The following CLASP1 variants were observed in gnomAD, a reference collection of about 807,000 sequenced individuals.
The protein encoded by CLASP1 is cytoplasmic linker associated protein 1.
A neutral mutation model predicts 192.3 loss-of-function variants in CLASP1; 38 were observed. The ratio of observed to expected loss-of-function variants is 0.20; its 90% CI spans 0.15 to 0.26. The LOEUF (loss-of-function observed/expected upper bound fraction) is 0.26. Among genes scored for constraint, CLASP1 ranks in the 10% least tolerant of loss-of-function variants. The probability of loss-of-function intolerance (pLI) is 1.00; values close to 1 mark genes in which losing one functional copy is unlikely to be tolerated. For synonymous variants in CLASP1, 691 were observed against 712.8 expected, an observed-to-expected ratio of 0.97 and a Z score of 0.49; for missense variants, 1,433 against 1,932.5, an observed-to-expected ratio of 0.74 and a Z score of 4.85.
intron 1 of CLASP1, among the ~76,000 whole-genome samples, chr2:121,621,279 C>A (rs1346085844): frequency 1.3e-5 from 2 of 151,856 alleles, no homozygotes; most frequent in Admixed American, 6.6e-5. Context: ...AGATTTACAA[C>A]CATGTTTTCT....
intron 39 of CLASP1, among the ~76,000 whole-genome samples, chr2:121,343,921 A>G (rs1168542842): frequency 2.0e-5 from 3 of 152,160 alleles, no homozygotes; most frequent in East Asian, 1.9e-4. Flanking sequence ...AAATACAAAA[A>G]CTAGCTGGGC....
intron 37 of CLASP1, among the ~76,000 whole-genome samples, chr2:121,354,668 CA>C (rs67443255): frequency 0.21 from 31,563 of 152,142 alleles, 6,264 homozygotes; most frequent in African/African-American, 0.52. Flanking sequence ...CCTCTGTTTT[CA>C]AAACCTGGAG....
chr2:121,448,764 G>A lies in CLASP1; in HGVS notation c.1691+189C>T, dbSNP rs143051832. Among the ~76,000 whole-genome samples, 5 of 152,284 alleles carry A rather than the reference G, an allele frequency of 3.3e-5. No individual in the cohort carries two copies. The East Asian group carries it at 9.6e-4, about 29-fold the overall frequency. ...ATACATTTAACTGAAAAACAGTACGGTAGAGACCAAAGCAACCTATTTCTC... is the reference window on the plus strand; with the variant it reads ...ATACATTTAACTGAAAAACAGTACGATAGAGACCAAAGCAACCTATTTCTC... On this transcript the variant is annotated intron_variant, in intron 17 of 39. Coordinates refer to ENST00000263710, the Ensembl canonical transcript of CLASP1.
intron 1 of CLASP1, among the ~76,000 whole-genome samples, chr2:121,639,077 C>T (rs979479206): frequency 5.3e-5 from 8 of 152,030 alleles, no homozygotes; most frequent in Admixed American, 5.2e-4. Flanking sequence ...AAGATTGAGA[C>T]CATCCTGGTT....
intron 2 of CLASP1, among the ~76,000 whole-genome samples, chr2:121,593,384 C>A (rs1245031823): frequency 6.6e-6 from 1 of 152,082 alleles, no homozygotes; most frequent in Non-Finnish European, 1.5e-5. Flanking sequence ...CTTAGGGAGG[C>A]CCAGGCGGGT....
In CLASP1 at chr2:121,483,305, A is replaced by G. The variant is rs116797476; in HGVS notation, c.713-13345T>C. Among the ~76,000 whole-genome samples, 289 of 152,308 alleles carry G rather than the reference A, an allele frequency of 1.9e-3. 1 individual carries two copies. Among genetic ancestry groups the G allele is most frequent in the African/African-American group, 6.5e-3 (269 of 41,558 alleles). On this transcript the variant is annotated intron_variant, in intron 8 of 39. Transcript: ENST00000263710. ...CTCTGTGGAAACAGGATGACTATAAACATCTACAATAGCTCAGTAAAGGTC... is the reference window on the plus strand; with the variant it reads ...CTCTGTGGAAACAGGATGACTATAAGCATCTACAATAGCTCAGTAAAGGTC...
At chr2:121,515,711 C>T in exon 7 of CLASP1, 5 of 1,613,984 alleles carry the variant, frequency 3.1e-6, no homozygotes, top group Non-Finnish European at 4.2e-6. Context: ...CTCACACGTT[C>T]TCCTACATGT....
At chr2:121,416,907 C>T (rs1035031130) in intron 23 of CLASP1, among the ~76,000 whole-genome samples, 2 of 152,156 alleles carry the variant, frequency 1.3e-5, no homozygotes, top group African/African-American at 2.4e-5. Context: ...CTGCTCCAAA[C>T]GGTGTGTGTA....
chr2:121,432,765 A>G (rs977334487), intron 19 of CLASP1, among the ~76,000 whole-genome samples: 6 of 152,128 alleles, frequency 3.9e-5, no homozygotes, highest in African/African-American at 1.4e-4. Context: ...TAAGAATGGA[A>G]TCATTATATT....
intron 1 of CLASP1, among the ~76,000 whole-genome samples, chr2:121,636,171 T>C (rs546159683): frequency 1.3e-5 from 2 of 151,488 alleles, no homozygotes; most frequent in East Asian, 2.0e-4. Flanking sequence ...ACCCGGTCTC[T>C]ACTAAAAACA....
At chr2:121,616,715 C>T (rs891014400) in intron 1 of CLASP1, among the ~76,000 whole-genome samples, 10 of 152,168 alleles carry the variant, frequency 6.6e-5, no homozygotes, top group African/African-American at 2.4e-4. Context: ...CATGCCCTGC[C>T]AGCAGGAAGT....
At chr2:121,352,546 T>C (rs1030956558) in intron 37 of CLASP1, among the ~76,000 whole-genome samples, 5 of 152,228 alleles carry the variant, frequency 3.3e-5, no homozygotes, top group Admixed American at 2.0e-4. Flanking sequence ...GATGAGCATA[T>C]TCTCAGCCTC....
At chr2:121,384,914 AAAC>A (rs1192031898) in intron 32 of CLASP1, among the ~76,000 whole-genome samples, 1 of 152,202 alleles carries the variant, frequency 6.6e-6, no homozygotes, top group Non-Finnish European at 1.5e-5. Context: ...ATTTGACTGA[AAAC>A]AAATAATTGG....
chr2:121,456,968 A>T (rs2086796682), intron 14 of CLASP1, among the ~76,000 whole-genome samples: 1 of 152,196 alleles, frequency 6.6e-6, no homozygotes, highest in Admixed American at 6.5e-5. Context: ...TATTCTGTAC[A>T]TTTACGACTT....
At chr2:121,457,565 TG>T in intron 14 of CLASP1, 121 bp downstream of exon 14, 1 of 697,102 alleles carries the variant, frequency 1.4e-6, no homozygotes, top group Non-Finnish European at 2.5e-6. Context: ...AGTCATTTAC[TG>T]CAGTGATTTT....
At chr2:121,415,072 G>A (rs537519771) in intron 23 of CLASP1, among the ~76,000 whole-genome samples, 3 of 152,118 alleles carry the variant, frequency 2.0e-5, no homozygotes, top group African/African-American at 4.8e-5. Flanking sequence ...GAGCCGCTAC[G>A]CCTGGCCATA....
chr2:121,426,578 C>T (rs2080420583), intron 21 of CLASP1, among the ~76,000 whole-genome samples: 1 of 152,018 alleles, frequency 6.6e-6, no homozygotes, highest in Non-Finnish European at 1.5e-5. Flanking sequence ...ACAGATAGAA[C>T]ACATATTCTT....
chr2:121,475,875 T>A (rs2091536776), intron 8 of CLASP1, among the ~76,000 whole-genome samples: 1 of 152,200 alleles, frequency 6.6e-6, no homozygotes. Flanking sequence ...GGTAGAAATC[T>A]GAAATAAGCA....
At chr2:121,533,124 C>A (rs751882456) in intron 2 of CLASP1, among the ~76,000 whole-genome samples, 1 of 152,146 alleles carries the variant, frequency 6.6e-6, no homozygotes, top group Admixed American at 6.5e-5. Flanking sequence ...GAAGGCCTCG[C>A]TAAGCCCCGG....
Sources: allele counts gnomAD v4.1 joint callset (sites outside exome capture counted in the v4.1 genomes callset), GRCh38; gene constraint gnomAD v4.1.1; transcripts MANE v1.5; gene names NCBI Gene and HGNC (gene_info 2026-07-23, HGNC 2026-07-21).